Variants in PDZRN4 observed in about 807,000 individuals in gnomAD.
PDZRN4 encodes PDZ domain-containing RING finger protein 4.
PDZRN4 carries 70 observed loss-of-function variants against 99.0 expected under a neutral mutation model. That is an observed-to-expected ratio of 0.71 (90% confidence interval 0.58 to 0.86). The LOEUF is 0.86. Ranked by LOEUF, PDZRN4 falls within the 40% of genes least tolerant of loss-of-function variation. The pLI is 0.00. For synonymous variants in PDZRN4, 551 were observed against 501.6 expected, an observed-to-expected ratio of 1.10 and a Z score of -1.32; for missense variants, 1,474 against 1,331.2, an observed-to-expected ratio of 1.11 and a Z score of -1.67.
chr12:41,350,604 G>A (rs929653664), intron 3 of PDZRN4, among the ~76,000 whole-genome samples: 12 of 152,068 alleles, frequency 7.9e-5, no homozygotes, highest in Non-Finnish European at 1.8e-4. Context: ...TCTAGTTTAA[G>A]TTGAATATGA....
intron 3 of PDZRN4, among the ~76,000 whole-genome samples, chr12:41,416,638 C>T (rs1407579539): frequency 6.6e-6 from 1 of 152,162 alleles, no homozygotes; most frequent in Non-Finnish European, 1.5e-5. Context: ...GCCTGGGCAA[C>T]AACAGCGAAA....
intron 3 of PDZRN4, among the ~76,000 whole-genome samples, chr12:41,335,253 TTTTA>T (rs978421074): frequency 6.6e-6 from 1 of 151,712 alleles, no homozygotes; most frequent in African/African-American, 2.4e-5. Context: ...CTTTTTTTCT[TTTTA>T]TTTATTTATT....
intron 3 of PDZRN4, among the ~76,000 whole-genome samples, chr12:41,266,750 T>C (rs767435687): frequency 3.3e-5 from 5 of 152,200 alleles, no homozygotes; most frequent in Non-Finnish European, 5.9e-5. Context: ...AATATGTTTG[T>C]TGGGAAAAAA....
chr12:41,310,450 T>A (rs374535542), intron 3 of PDZRN4, among the ~76,000 whole-genome samples: 7 of 152,266 alleles, frequency 4.6e-5, no homozygotes, highest in African/African-American at 1.7e-4. Flanking sequence ...CTTTCAGTAT[T>A]AAAGAGCTCT....
intron 3 of PDZRN4, among the ~76,000 whole-genome samples, chr12:41,302,616 A>G (rs1951543352): frequency 6.6e-6 from 1 of 152,156 alleles, no homozygotes; most frequent in African/African-American, 2.4e-5. Context: ...CCGGAAAGGA[A>G]GTTAAATTGT....
intron 3 of PDZRN4, among the ~76,000 whole-genome samples, chr12:41,324,474 A>G (rs1951698057): frequency 6.6e-6 from 1 of 152,084 alleles, no homozygotes; most frequent in African/African-American, 2.4e-5. Context: ...TTAATTGAAG[A>G]GCTGTCTATC....
intron 3 of PDZRN4, among the ~76,000 whole-genome samples, chr12:41,283,975 C>T: frequency 6.6e-6 from 1 of 152,204 alleles, no homozygotes; most frequent in East Asian, 1.9e-4. Context: ...TCTCTCACCA[C>T]TCCTATTTAA....
At chr12:41,470,046 G>T (rs950019900) in intron 3 of PDZRN4, among the ~76,000 whole-genome samples, 2 of 152,198 alleles carry the variant, frequency 1.3e-5, no homozygotes, top group Non-Finnish European at 2.9e-5. Flanking sequence ...GGAAAGTCCT[G>T]TCATTTGGCA....
In PDZRN4 at chr12:41,193,942, T is replaced by C. The variant is rs535858423; in HGVS notation, c.736-139T>C. 61 of 595,856 alleles carry C rather than the reference T, an allele frequency of 1.0e-4. 1 individual carries two copies. The African/African-American group carries it at 1.1e-3, about 10-fold the overall frequency. 36.9% of individuals were successfully genotyped at this position (595,856 alleles called of 1,614,324 possible). A position where few individuals can be genotyped will look rare whatever the true frequency, so the allele number is the denominator to read the frequency against. Reference sequence around the variant, plus strand: ...TAATGACTAGTTGGTGTTAAGTAAGTTAAAATTCTGTTCCAAATCCCCAGC... The same window carrying C: ...TAATGACTAGTTGGTGTTAAGTAAGCTAAAATTCTGTTCCAAATCCCCAGC... On this transcript the variant is annotated intron_variant, in intron 2 of 9. Coordinates refer to ENST00000402685, the MANE Select transcript of PDZRN4 (RefSeq NM_001164595.2).
chr12:41,456,748 C>A (rs1159635363), intron 3 of PDZRN4, among the ~76,000 whole-genome samples: 1 of 152,178 alleles, frequency 6.6e-6, no homozygotes, highest in Admixed American at 6.5e-5. Flanking sequence ...GGTGTGGTCA[C>A]ACGCAGGTGC....
intron 3 of PDZRN4, among the ~76,000 whole-genome samples, chr12:41,350,120 T>C (rs2121036306): frequency 6.6e-6 from 1 of 152,226 alleles, no homozygotes; most frequent in African/African-American, 2.4e-5. Context: ...ATTCTGTAAA[T>C]ATTTCTTTAA....
intron 3 of PDZRN4, among the ~76,000 whole-genome samples, chr12:41,461,620 C>T (rs149684449): frequency 6.6e-6 from 1 of 152,242 alleles, no homozygotes; most frequent in African/African-American, 2.4e-5. Context: ...ACCAGATTTA[C>T]CCAAATACAA....
intron 3 of PDZRN4, among the ~76,000 whole-genome samples, chr12:41,287,786 T>C (rs1951430872): frequency 6.6e-6 from 1 of 152,220 alleles, no homozygotes; most frequent in African/African-American, 2.4e-5. Flanking sequence ...AGCCTTACTG[T>C]TTAGTGTAAA....
rs544884444 is a variant in PDZRN4, at chr12:41,462,539, C to A, written c.844-43917C>A. 2.6e-5 allele frequency among the ~76,000 whole-genome samples: 4 copies of A among 152,266 alleles called. No individual in the cohort carries two copies. The East Asian group carries it at 7.7e-4, about 29-fold the overall frequency. On this transcript the variant is annotated intron_variant, in intron 3 of 9. Coordinates refer to ENST00000402685, the MANE Select transcript of PDZRN4 (RefSeq NM_001164595.2). Reference sequence around the variant, plus strand: ...AGTTAGTCATTCCTTCAGAAGAGTTCCTAGACTATGTTTAAGGATATACAG... The same window carrying A: ...AGTTAGTCATTCCTTCAGAAGAGTTACTAGACTATGTTTAAGGATATACAG...
chr12:41,537,965 G>A (rs1023097448), intron 5 of PDZRN4, among the ~76,000 whole-genome samples: 1 of 152,066 alleles, frequency 6.6e-6, no homozygotes, highest in Non-Finnish European at 1.5e-5. Flanking sequence ...GAAAAGCTTG[G>A]CTGCACTCCA....
rs139648963 is a variant in PDZRN4 at position 41,444,757 on chromosome 12, C to T, written c.844-61699C>T. On this transcript the variant is annotated intron_variant, in intron 3 of 9. Coordinates refer to ENST00000402685, the MANE Select transcript of PDZRN4 (RefSeq NM_001164595.2). ...AAATGAAAAATGAAAGTTATCACTA[C>T]CTTTCCTTTAAAAAGTAAAATAAGT... Among the ~76,000 whole-genome samples, 23 of 152,092 alleles carry T rather than the reference C, an allele frequency of 1.5e-4. No homozygotes were observed. The East Asian group carries it at 4.5e-3, about 29-fold the overall frequency.
chr12:41,411,708 C>T (rs1016833181), intron 3 of PDZRN4: 2 of 152,174 alleles, frequency 1.3e-5, no homozygotes, highest in African/African-American at 4.8e-5. Context: ...AAGTAAAATA[C>T]ATCAAAAGGC....
intron 3 of PDZRN4, among the ~76,000 whole-genome samples, chr12:41,348,218 G>C (rs1358408392): frequency 6.6e-6 from 1 of 152,106 alleles, no homozygotes; most frequent in Non-Finnish European, 1.5e-5. Flanking sequence ...TTTCTGGAGT[G>C]TACAGCATTG....
intron 3 of PDZRN4, among the ~76,000 whole-genome samples, chr12:41,319,193 C>T (rs1951658199): frequency 1.3e-5 from 2 of 152,166 alleles, no homozygotes; most frequent in African/African-American, 4.8e-5. Flanking sequence ...AAGTCTTCCT[C>T]AGCCTCCCTA....
Sources: gnomAD v4.1 joint callset for allele counts (sites outside exome capture counted in the v4.1 genomes callset) on GRCh38, gnomAD v4.1.1 for gene constraint, MANE v1.5 for transcripts, NCBI Gene and HGNC (gene_info 2026-07-23, HGNC 2026-07-21) for gene names.